DCLK3: variants seen among roughly 807,000 people sequenced by gnomAD.
The protein encoded by DCLK3 is serine/threonine-protein kinase DCLK3.
A neutral mutation model predicts 46.4 loss-of-function variants in DCLK3; 30 were observed. That is an observed-to-expected ratio of 0.65 (90% CI 0.48 to 0.88). The LOEUF is 0.88. DCLK3 is among the 40% of genes least tolerant of loss of function. DCLK3 has a pLI of 0.00. For synonymous variants in DCLK3, 401 were observed against 339.2 expected (o/e 1.18, Z -2.00); for missense variants, 846 against 907.1 (o/e 0.93, Z 0.87).
intron 1 of DCLK3, among the ~76,000 whole-genome samples, chr3:36,755,391 T>C (rs1160870427): frequency 6.6e-6 from 1 of 152,138 alleles, no homozygotes; most frequent in East Asian, 1.9e-4. Flanking sequence ...CCAAAATAGA[T>C]ACTACTTTAT....
intron 1 of DCLK3, among the ~76,000 whole-genome samples, chr3:36,746,342 A>G (rs183323242): frequency 6.6e-6 from 1 of 152,328 alleles, no homozygotes; most frequent in East Asian, 1.9e-4. Flanking sequence ...GATGGGATTG[A>G]CTGCTCCATC....
chr3:36,726,800 C>T (rs1701129937), intron 2 of DCLK3, among the ~76,000 whole-genome samples: 1 of 152,122 alleles, frequency 6.6e-6, no homozygotes, highest in Admixed American at 6.5e-5. Context: ...CATATAGAAA[C>T]TGACATAGCC....
At chr3:36,759,267 C>T (rs1419297132) in intron 1 of DCLK3, among the ~76,000 whole-genome samples, 2 of 152,174 alleles carry the variant, frequency 1.3e-5, no homozygotes, top group Non-Finnish European at 2.9e-5. Flanking sequence ...TCCCAGCCGC[C>T]ATCCCCTATT....
intron 2 of DCLK3, among the ~76,000 whole-genome samples, chr3:36,725,336 G>A (rs1253790380): frequency 1.3e-5 from 2 of 151,784 alleles, no homozygotes; most frequent in Non-Finnish European, 2.9e-5. Flanking sequence ...CGGGGGGTGG[G>A]GCAGGTGCAG....
chr3:36,737,663 T>C lies in DCLK3; in HGVS notation c.1504A>G (p.Lys502Glu). Residue 502 changes from lysine (K) to glutamate (E), a missense_variant, in exon 2 of 5, where the codon AAG (lysine) becomes GAG (glutamate). Physicochemically the swap from Lys to Glu is moderately conservative, Grantham distance 56. Transcript: ENST00000636136. The surrounding 1 kb of genome is among the most constrained non-coding windows in gnomAD (Gnocchi z 4.4). ...TTCCGACCGCTGGGCCGCTCTGGCT[T>C]GTTCTCTTCTGGCCTCGTCTTGGGC... ...KEPKTRPEEN[K>E]PERPSGRKPR... 6.2e-7 allele frequency: 1 copy of C among 1,613,868 alleles called. No individual in the cohort carries two copies. The highest frequency in any genetic ancestry group is 8.5e-7 in the Non-Finnish European group (1 of 1,179,892).
chr3:36,724,523 C>G (rs1305637842), intron 2 of DCLK3, among the ~76,000 whole-genome samples: 1 of 152,106 alleles, frequency 6.6e-6, no homozygotes, highest in Non-Finnish European at 1.5e-5. Context: ...GTGGGAGGAA[C>G]CCAGTAGGAG....
At position 36,714,685 on chromosome 3, in the gene DCLK3, G is replaced by C. The variant is rs768880345; in HGVS notation, c.*643C>G. 4.0e-5 allele frequency: 6 copies of C among 151,586 alleles called. No individual in the cohort carries two copies. The highest frequency in any genetic ancestry group is 8.9e-5 in the Non-Finnish European group (6 of 67,662). 9.4% of individuals were successfully genotyped at this position (151,586 alleles called of 1,614,324 possible). On this transcript the variant is annotated 3_prime_UTR_variant, in exon 5 of 5. Coordinates refer to ENST00000636136, the MANE Select transcript of DCLK3 (RefSeq NM_001394672.2). ...ATTGCAGGAGCAAGAATGATTCAAT[G>C]GTTTGTTTTTTTTCTTTCCATGTCT... is the stretch of plus-strand genomic sequence containing the variant.
chr3:36,742,445 C>T (rs761225954), intron 1 of DCLK3, among the ~76,000 whole-genome samples: 38 of 152,132 alleles, frequency 2.5e-4, no homozygotes, highest in Non-Finnish European at 3.5e-4. Flanking sequence ...CAGGGCATGG[C>T]GTAAAAGGAT....
chr3:36,760,013 A>G (rs1559395828), intron 1 of DCLK3, among the ~76,000 whole-genome samples: 1 of 152,228 alleles, frequency 6.6e-6, no homozygotes, highest in Non-Finnish European at 1.5e-5. Context: ...GCCAGCATGC[A>G]AGAGCAGGCA....
intron 1 of DCLK3, among the ~76,000 whole-genome samples, chr3:36,761,595 A>C (rs1701540308): frequency 6.6e-6 from 1 of 152,194 alleles, no homozygotes; most frequent in Non-Finnish European, 1.5e-5. Flanking sequence ...AAATTTAGAC[A>C]TTATCAAGAG....
intron 3 of DCLK3, among the ~76,000 whole-genome samples, chr3:36,720,007 G>A (rs778468367): frequency 6.6e-6 from 1 of 152,188 alleles, no homozygotes; most frequent in African/African-American, 2.4e-5. Flanking sequence ...GATACGGTTT[G>A]GATATTTGTC....
intron 2 of DCLK3, among the ~76,000 whole-genome samples, chr3:36,730,421 G>GC (rs753085027): frequency 6.6e-6 from 1 of 152,140 alleles, no homozygotes; most frequent in Admixed American, 6.5e-5. Context: ...CTTACCATCT[G>GC]CCAGGCAGTG....
intron 1 of DCLK3, among the ~76,000 whole-genome samples, chr3:36,746,083 A>G (rs1252035129): frequency 1.3e-5 from 2 of 152,276 alleles, no homozygotes; most frequent in Non-Finnish European, 2.9e-5. Context: ...TTTATTACCA[A>G]CATGACATTG....
At chr3:36,731,679 A>G (rs920343539) in intron 2 of DCLK3, among the ~76,000 whole-genome samples, 1 of 151,976 alleles carries the variant, frequency 6.6e-6, no homozygotes, top group African/African-American at 2.4e-5. Context: ...ACAGCATTCA[A>G]TCCACTCACA....
chr3:36,739,306 T>A (rs1215422579), intron 1 of DCLK3, among the ~76,000 whole-genome samples: 6 of 152,234 alleles, frequency 3.9e-5, no homozygotes, highest in African/African-American at 1.4e-4. Flanking sequence ...CTTGCAGTGA[T>A]TCCTGTAGGC....
chr3:36,738,804 C>T lies in DCLK3; in HGVS notation c.363G>A (p.Thr121=), dbSNP rs913343018. 13 of 1,040,614 alleles carry T rather than the reference C, an allele frequency of 1.2e-5. No individual in the cohort carries two copies. In the South Asian group the frequency reaches 3.1e-4, roughly 25 times the overall value. The allele number at this position is 1,040,614 out of a possible 1,614,324, so 64.5% of individuals were successfully genotyped here. The change falls in exon 2 of 5, where the codon ACG becomes ACA. Residue 121 remains threonine, a synonymous_variant. Coordinates refer to ENST00000636136, the MANE Select transcript of DCLK3 (RefSeq NM_001394672.2). The part of the protein sequence containing the change: ...TLLLNRRSVQ[T]FEQLLADISE... ...AGATGTCAGCTAAGAGCTGCTCGAA[C>T]GTCTGCACTGATCGCCTGTTGAGGA...
In DCLK3 at chr3:36,738,443, T is replaced by A; in HGVS notation, c.724A>T (p.Met242Leu). Residue 242 changes from methionine to leucine, a missense_variant, in exon 2 of 5, where the codon ATG becomes TTG. By Grantham distance (15) the Met-to-Leu change is conservative (BLOSUM62 2). Around this residue, in one of 3 missense-constraint regions of DCLK3, gnomAD observed 553 missense variants for 543.0 expected, o/e 1.02. Coordinates refer to ENST00000636136, the MANE Select transcript of DCLK3 (RefSeq NM_001394672.2). The part of the protein sequence containing the change: ...CSEVAGCKAA[M>L]RHQGKIPEEL... ...TCGGGGATCTTCCCCTGGTGCCTCA[T>A]GGCTGCCTTGCATCCTGCAACTTCG... The A allele has an allele frequency of 6.8e-7, 1 of 1,478,746 alleles. No homozygotes were observed. Among genetic ancestry groups the A allele is most frequent in the Non-Finnish European group, 9.0e-7 (1 of 1,115,690 alleles). The allele number at this position is 1,478,746 out of a possible 1,614,324, so 91.6% of individuals were successfully genotyped here.
chr3:36,719,509 G>C (rs1263131525), intron 3 of DCLK3, among the ~76,000 whole-genome samples: 2 of 152,148 alleles, frequency 1.3e-5, no homozygotes, highest in Non-Finnish European at 2.9e-5. Flanking sequence ...AATGTCCCTT[G>C]GCCTCTGTGA....
chr3:36,740,792 A>T (rs1269223640), intron 1 of DCLK3, among the ~76,000 whole-genome samples: 4 of 152,228 alleles, frequency 2.6e-5, no homozygotes, highest in Non-Finnish European at 5.9e-5. Flanking sequence ...TACATGGAAG[A>T]ATCTGCTGTT....
Sources: allele counts gnomAD v4.1 joint callset (sites outside exome capture counted in the v4.1 genomes callset), GRCh38; gene constraint gnomAD v4.1.1; regional missense constraint gnomAD v4.1.1; non-coding constraint Gnocchi (gnomAD v3.1); transcripts MANE v1.5; gene names NCBI Gene and HGNC (gene_info 2026-07-23, HGNC 2026-07-21).